The following SCFD2 variants were observed in gnomAD, a reference collection of about 807,000 sequenced individuals.
SCFD2 encodes the protein sec1 family domain-containing protein 2.
A neutral mutation model predicts 58.9 loss-of-function variants in SCFD2; 54 were observed. The observed-to-expected ratio is 0.92, with a 90% CI of 0.74 to 1.15. SCFD2 has a LOEUF of 1.15. SCFD2 is among the 50% of genes most tolerant of loss of function. The probability of loss-of-function intolerance (pLI) is 0.00; values close to 1 mark genes in which losing one functional copy is unlikely to be tolerated. For missense variants in SCFD2, 805 were observed against 836.6 expected (o/e 0.96, Z 0.47); for synonymous variants, 321 against 335.9 (o/e 0.96, Z 0.49).
intron 2 of SCFD2, among the ~76,000 whole-genome samples, chr4:53,336,067 C>A (rs1733674323): frequency 6.6e-6 from 1 of 152,244 alleles, no homozygotes; most frequent in South Asian, 2.1e-4. Context: ...AAGCCAAATT[C>A]TAGATTGTAT....
intron 3 of SCFD2, among the ~76,000 whole-genome samples, chr4:53,291,177 C>A (rs554858580): frequency 6.6e-6 from 1 of 152,150 alleles, no homozygotes; most frequent in South Asian, 2.1e-4. Context: ...TTCTGATGCA[C>A]ATTGATGTAA....
intron 2 of SCFD2, among the ~76,000 whole-genome samples, chr4:53,325,315 C>T (rs1429867286): frequency 6.6e-6 from 1 of 151,858 alleles, no homozygotes; most frequent in Non-Finnish European, 1.5e-5. Context: ...CTCTCCCATT[C>T]TTGAAGGTAA....
At chr4:52,945,728 C>T (rs1469088778) in intron 5 of SCFD2, 1 of 152,146 alleles carries the variant, frequency 6.6e-6, no homozygotes, top group South Asian at 2.1e-4. Flanking sequence ...ATCAGATATT[C>T]CTGGACATAC....
At chr4:53,117,148 C>T (rs961511562) in intron 5 of SCFD2, among the ~76,000 whole-genome samples, 14 of 152,156 alleles carry the variant, frequency 9.2e-5, no homozygotes, top group South Asian at 2.1e-4. Context: ...TTCCAGACCA[C>T]GCTGACTCCT....
intron 2 of SCFD2, among the ~76,000 whole-genome samples, chr4:53,328,904 G>A (rs1186259286): frequency 2.5e-4 from 38 of 152,254 alleles, no homozygotes; most frequent in Admixed American, 2.6e-4. Flanking sequence ...TGCGCGAGCC[G>A]AAGCAGGGCG....
rs556895367 is a variant in SCFD2 at position 53,142,345 on chromosome 4, G to C, written c.1561+2988C>G. Among the ~76,000 whole-genome samples the C allele has an allele frequency of 7.2e-5, 11 of 152,212 alleles. No homozygotes were observed. The South Asian group carries it at 2.3e-3, about 32-fold the overall frequency. The stretch of plus-strand genomic sequence containing the variant: ...AAAGCACTATATAAAAAGTAGAATT[G>C]TTATTCAATTGTTAATCGATTCCCT... On this transcript the variant is annotated intron_variant, in intron 5 of 8. Transcript: ENST00000401642.
chr4:53,139,767 G>A (rs572373975), intron 5 of SCFD2, among the ~76,000 whole-genome samples: 1 of 152,382 alleles, frequency 6.6e-6, no homozygotes, highest in Admixed American at 6.5e-5. Flanking sequence ...GAATAGAAAG[G>A]GGGGATGTGT....
At chr4:53,361,953 A>G (rs192773416) in intron 1 of SCFD2, among the ~76,000 whole-genome samples, 6 of 152,314 alleles carry the variant, frequency 3.9e-5, no homozygotes, top group Non-Finnish European at 7.4e-5. Flanking sequence ...CAATAAATAT[A>G]TATTGAATAC....
rs61273992 is a variant in SCFD2 at position 52,943,561 on chromosome 4, G to A, written c.1562-22691C>T. On this transcript the variant is annotated intron_variant, in intron 5 of 8. Coordinates refer to ENST00000401642, the MANE Select transcript of SCFD2 (RefSeq NM_152540.4). Reference sequence around the variant, plus strand: ...TAACTTGTGCCCATATCCTAACTTTGTGAATTTCCCTTATCCCTAACAGGA... The same window carrying A: ...TAACTTGTGCCCATATCCTAACTTTATGAATTTCCCTTATCCCTAACAGGA... Among the ~76,000 whole-genome samples, 434 of 152,078 alleles carry A rather than the reference G, an allele frequency of 2.9e-3. 2 individuals are homozygous for A. The highest frequency in any genetic ancestry group is 9.8e-3 in the African/African-American group (408 of 41,466).
chr4:52,912,715 G>A (rs1479927778), intron 6 of SCFD2, among the ~76,000 whole-genome samples: 1 of 152,146 alleles, frequency 6.6e-6, no homozygotes, highest in Non-Finnish European at 1.5e-5. Flanking sequence ...TCTTAGTTTG[G>A]ACCATTTTGT....
At chr4:53,258,941 A>G (rs765523885) in intron 4 of SCFD2, among the ~76,000 whole-genome samples, 1 of 151,990 alleles carries the variant, frequency 6.6e-6, no homozygotes, top group Non-Finnish European at 1.5e-5. Context: ...ATGGTATCAC[A>G]CTGTGGTTTT....
At chr4:53,122,690 C>CAT (rs1340687124) in intron 5 of SCFD2, among the ~76,000 whole-genome samples, 2 of 152,184 alleles carry the variant, frequency 1.3e-5, no homozygotes, top group Non-Finnish European at 2.9e-5. Context: ...TGTGATGTCA[C>CAT]ATAAGTCAGT....
At chr4:53,139,935 C>CTGTG (rs1253903579) in intron 5 of SCFD2, among the ~76,000 whole-genome samples, 1 of 152,134 alleles carries the variant, frequency 6.6e-6, no homozygotes, top group African/African-American at 2.4e-5. Flanking sequence ...GAAACATGTG[C>CTGTG]TGTGTCCACT....
chr4:52,927,853 T>C (rs1486250559), intron 5 of SCFD2, among the ~76,000 whole-genome samples: 1 of 152,216 alleles, frequency 6.6e-6, no homozygotes, highest in Non-Finnish European at 1.5e-5. Context: ...AGGTGGAGGC[T>C]GGTTTAGAAT....
chr4:53,202,700 A>G (rs1042644458), intron 4 of SCFD2, among the ~76,000 whole-genome samples: 1 of 151,908 alleles, frequency 6.6e-6, no homozygotes, highest in Non-Finnish European at 1.5e-5. Flanking sequence ...CTTTTATTTC[A>G]TTGAGCAGTG....
intron 2 of SCFD2, among the ~76,000 whole-genome samples, chr4:53,318,524 T>G (rs1174392426): frequency 6.6e-6 from 1 of 152,130 alleles, no homozygotes; most frequent in Non-Finnish European, 1.5e-5. Flanking sequence ...TTTTAGTTTT[T>G]AAAAGCACCT....
chr4:53,160,795 G>A (rs1252623027), intron 4 of SCFD2, among the ~76,000 whole-genome samples: 2 of 152,136 alleles, frequency 1.3e-5, no homozygotes, highest in South Asian at 2.1e-4. Flanking sequence ...AAGTATCAAC[G>A]TGCTTCCCAA....
intron 4 of SCFD2, among the ~76,000 whole-genome samples, chr4:53,266,652 C>T (rs1333839134): frequency 1.3e-5 from 2 of 152,188 alleles, no homozygotes; most frequent in Admixed American, 1.3e-4. Flanking sequence ...AAAACACTCA[C>T]TAATTGAATC....
chr4:53,120,008 C>T (rs191299496), intron 5 of SCFD2, among the ~76,000 whole-genome samples: 13 of 152,330 alleles, frequency 8.5e-5, no homozygotes. Context: ...CCCTTCTATG[C>T]ATACCTGAAG....
Sources: gnomAD v4.1 joint callset for allele counts (sites outside exome capture counted in the v4.1 genomes callset) on GRCh38, gnomAD v4.1.1 for gene constraint, MANE v1.5 for transcripts, NCBI Gene and HGNC (gene_info 2026-07-23, HGNC 2026-07-21) for gene names.